Variants in SMYD3 observed in about 807,000 individuals in gnomAD.
The protein encoded by SMYD3 is SET and MYND domain containing 3, also known as histone-lysine N-methyltransferase SMYD3.
Under a neutral mutation model 57.7 loss-of-function variants are expected in SMYD3, and 36 were observed. The observed-to-expected ratio is 0.62, with a 90% CI of 0.48 to 0.82. SMYD3 has a LOEUF of 0.82. Among genes scored for constraint, SMYD3 ranks in the 40% least tolerant of loss-of-function variants. SMYD3 has a pLI of 0.00. For synonymous variants in SMYD3, 211 were observed against 195.0 expected (o/e 1.08, Z -0.68); for missense variants, 515 against 538.8 (o/e 0.96, Z 0.44).
intron 8 of SMYD3, among the ~76,000 whole-genome samples, chr1:245,893,309 C>A (rs2148588845): frequency 6.6e-6 from 1 of 152,250 alleles, no homozygotes; most frequent in Non-Finnish European, 1.5e-5. Flanking sequence ...GCAGCAATTT[C>A]TTATAAAGTT....
rs138797176 is a variant in SMYD3, at chr1:246,445,300, T to C, written c.164+61754A>G. On this transcript the variant is annotated intron_variant, in intron 1 of 11. Transcript: ENST00000490107. ...TCTCCTGAGTGTAAATCACTGCCCA[T>C]TTTTGCCAGCAGTTTAGACTATGAG... Among the ~76,000 whole-genome samples the C allele has an allele frequency of 8.0e-3, 1,224 of 152,256 alleles. 13 individuals carry two copies. Among genetic ancestry groups the C allele is most frequent in the African/African-American group, 0.028 (1,144 of 41,544 alleles).
At chr1:245,962,156 G>A (rs1455081759) in intron 5 of SMYD3, among the ~76,000 whole-genome samples, 3 of 152,140 alleles carry the variant, frequency 2.0e-5, no homozygotes, top group African/African-American at 4.8e-5. Context: ...GAGAAAGGTC[G>A]ATGTTAGGGG....
chr1:246,226,786 A>C (rs1470107371), intron 5 of SMYD3, among the ~76,000 whole-genome samples: 4 of 152,220 alleles, frequency 2.6e-5, no homozygotes, highest in Non-Finnish European at 4.4e-5. Context: ...TAAAGTGGAG[A>C]TATGCAAGTA....
chr1:245,797,335 T>C (rs1463769482), intron 10 of SMYD3, among the ~76,000 whole-genome samples: 1 of 152,106 alleles, frequency 6.6e-6, no homozygotes, highest in Non-Finnish European at 1.5e-5. Context: ...CACCATGGAA[T>C]ACTATGCAGC....
At chr1:246,438,868 G>A (rs2067421438) in intron 1 of SMYD3, among the ~76,000 whole-genome samples, 1 of 151,334 alleles carries the variant, frequency 6.6e-6, no homozygotes, top group Non-Finnish European at 1.5e-5. Context: ...TTCACAATAG[G>A]GTTCACGCTC....
intron 5 of SMYD3, among the ~76,000 whole-genome samples, chr1:246,222,325 G>T (rs554449186): frequency 6.6e-6 from 1 of 152,056 alleles, no homozygotes. Flanking sequence ...GTATTATTAC[G>T]GACTTTATTA....
Position 245,858,486 on chromosome 1 carries a change from T to C in SMYD3, c.1076+10A>G. 6.2e-7 allele frequency: 1 copy of C among 1,610,998 alleles called. No individual in the cohort carries two copies. Among genetic ancestry groups the C allele is most frequent in the Non-Finnish European group, 8.5e-7 (1 of 1,178,740 alleles). ...CTAGCCCTTATGTCAGCCCTCTCCC[T>C]GGGACTTGCCTGTATGGCTCCATGG... On this transcript the variant is annotated intron_variant, in intron 10 of 11. Coordinates refer to ENST00000490107, the MANE Select transcript of SMYD3 (RefSeq NM_001167740.2).
Position 246,108,202 on chromosome 1 carries a change from C to A in SMYD3, c.532-178265G>T, listed in dbSNP as rs183023377. ...CTAAACATCCAAAATCTACCAAGCA[C>A]CTATTACATAACTAAGCCCTGTGTC... On this transcript the variant is annotated intron_variant, in intron 5 of 11. Coordinates refer to ENST00000490107, the MANE Select transcript of SMYD3 (RefSeq NM_001167740.2). 2.2e-4 allele frequency among the ~76,000 whole-genome samples: 34 copies of A among 152,258 alleles called. No individual in the cohort carries two copies. The East Asian group carries it at 6.6e-3, about 29-fold the overall frequency.
chr1:246,251,642 T>C (rs376169373), intron 5 of SMYD3, among the ~76,000 whole-genome samples: 2 of 11,434 alleles, frequency 1.7e-4, no homozygotes, highest in Non-Finnish European at 3.0e-4. Flanking sequence ...GCGGACACTG[T>C]GCCCGGCTTT....
chr1:245,818,621 C>G (rs2048984872), intron 10 of SMYD3, among the ~76,000 whole-genome samples: 1 of 151,678 alleles, frequency 6.6e-6, no homozygotes, highest in Non-Finnish European at 1.5e-5. Flanking sequence ...AGAGTCAAGA[C>G]CCATCAGTGT....
intron 5 of SMYD3, among the ~76,000 whole-genome samples, chr1:246,313,202 G>C (rs1208053179): frequency 2.6e-5 from 4 of 152,138 alleles, no homozygotes; most frequent in African/African-American, 9.7e-5. Flanking sequence ...CACTGCACCT[G>C]GGCAAAGTGG....
intron 5 of SMYD3, among the ~76,000 whole-genome samples, chr1:246,145,794 A>C (rs976408978): frequency 3.9e-5 from 6 of 152,198 alleles, no homozygotes; most frequent in Non-Finnish European, 7.3e-5. Context: ...GCCTGGCACA[A>C]ACTAAGTGGT....
chr1:246,082,979 G>A (rs375705497), intron 5 of SMYD3, among the ~76,000 whole-genome samples: 905 of 143,868 alleles, frequency 6.3e-3, no homozygotes, highest in African/African-American at 0.018. Flanking sequence ...CAAACACTGC[G>A]GAAGGCTGCA....
chr1:246,356,922 T>C (rs2065918537), intron 1 of SMYD3, among the ~76,000 whole-genome samples: 1 of 152,132 alleles, frequency 6.6e-6, no homozygotes, highest in Non-Finnish European at 1.5e-5. Context: ...GATCTAGACA[T>C]CCAAATACAA....
At chr1:246,360,820 A>T (rs2065975679) in intron 1 of SMYD3, among the ~76,000 whole-genome samples, 1 of 152,238 alleles carries the variant, frequency 6.6e-6, no homozygotes, top group Non-Finnish European at 1.5e-5. Context: ...AAAGACTTAA[A>T]TCTAAGACCT....
intron 1 of SMYD3, among the ~76,000 whole-genome samples, chr1:246,455,604 G>A (rs1161233759): frequency 6.6e-6 from 1 of 152,160 alleles, no homozygotes; most frequent in East Asian, 1.9e-4. Flanking sequence ...ACTGCCTTGA[G>A]GCAAAAATGC....
chr1:245,952,229 C>G (rs957770792), intron 5 of SMYD3, among the ~76,000 whole-genome samples: 6 of 151,914 alleles, frequency 3.9e-5, no homozygotes, highest in African/African-American at 1.2e-4. Context: ...AAAAAATTAA[C>G]CAAAGCATTA....
At position 246,395,788 on chromosome 1, in the gene SMYD3, A is replaced by T. The variant is rs1403256422; in HGVS notation, c.165-40694T>A. 7.9e-5 allele frequency among the ~76,000 whole-genome samples: 12 copies of T among 151,934 alleles called. No homozygotes were observed. In the East Asian group the frequency reaches 2.3e-3, roughly 29 times the overall value. On this transcript the variant is annotated intron_variant, in intron 1 of 11. Transcript: ENST00000490107. ...GGGAAGAGGAACCCACCATGGTCAG[A>T]CAGGGAAGAGGAACCCACCACGGCT...
intron 1 of SMYD3, among the ~76,000 whole-genome samples, chr1:246,451,661 T>C (rs1333377477): frequency 6.6e-6 from 1 of 152,212 alleles, no homozygotes; most frequent in East Asian, 1.9e-4. Flanking sequence ...GAGTAGAAGG[T>C]GATCGGTTGC....
Sources: gnomAD v4.1 joint callset for allele counts (sites outside exome capture counted in the v4.1 genomes callset) on GRCh38, gnomAD v4.1.1 for gene constraint, MANE v1.5 for transcripts, NCBI Gene and HGNC (gene_info 2026-07-23, HGNC 2026-07-21) for gene names.